The following ZNF521 variants were observed in gnomAD, a reference collection of about 807,000 sequenced individuals.
The protein encoded by ZNF521 is LYST-interacting protein 3.
A neutral mutation model predicts 105.5 loss-of-function variants in ZNF521; 14 were observed. The ratio of observed to expected loss-of-function variants is 0.13; its 90% confidence interval spans 0.09 to 0.21. ZNF521 has a LOEUF of 0.21. Among genes scored for constraint, ZNF521 ranks in the 10% least tolerant of loss-of-function variants. The pLI is 1.00. For missense variants in ZNF521, 1,233 were observed against 1,629.7 expected (o/e 0.76, Z 4.19); for synonymous variants, 635 against 606.0 (o/e 1.05, Z -0.70).
chr18:25,136,024 A>C (rs771149487), intron 5 of ZNF521, among the ~76,000 whole-genome samples: 4 of 152,222 alleles, frequency 2.6e-5, no homozygotes, highest in Non-Finnish European at 4.4e-5. Context: ...AGAGAAAATT[A>C]AAGTAGACAG....
chr18:25,230,969 C>T (rs145456787), intron 3 of ZNF521, among the ~76,000 whole-genome samples: 172 of 152,240 alleles, frequency 1.1e-3, no homozygotes, highest in African/African-American at 3.8e-3. Context: ...GTGAACACTC[C>T]GAGATGAAAG....
At chr18:25,242,082 T>G (rs1424260164) in intron 3 of ZNF521, among the ~76,000 whole-genome samples, 1 of 152,196 alleles carries the variant, frequency 6.6e-6, no homozygotes, top group Non-Finnish European at 1.5e-5. Flanking sequence ...CTCAGTATGG[T>G]AAAATTAGAC....
intron 5 of ZNF521, among the ~76,000 whole-genome samples, chr18:25,129,244 C>A (rs982777277): frequency 2.1e-5 from 2 of 97,006 alleles, no homozygotes; most frequent in Non-Finnish European, 4.3e-5. Context: ...GACTTTCACA[C>A]GGAATAATAA....
chr18:25,075,672 T>C (rs192967071), intron 7 of ZNF521, among the ~76,000 whole-genome samples: 33 of 152,310 alleles, frequency 2.2e-4, no homozygotes, highest in African/African-American at 7.9e-4. Context: ...ACCTAAGTTG[T>C]TGAAAAACTA....
intron 3 of ZNF521, among the ~76,000 whole-genome samples, chr18:25,293,750 G>A (rs986028799): frequency 1.3e-5 from 2 of 152,044 alleles, no homozygotes; most frequent in African/African-American, 4.8e-5. Flanking sequence ...CTAGCAAATG[G>A]TGCTTCCACA....
At chr18:25,186,984 TG>T (rs1196333953) in intron 5 of ZNF521, among the ~76,000 whole-genome samples, 1 of 151,820 alleles carries the variant, frequency 6.6e-6, no homozygotes, top group Non-Finnish European at 1.5e-5. Context: ...GTCATACTTC[TG>T]TACGTTCCAT....
At chr18:25,258,757 C>G (rs1908693138) in intron 3 of ZNF521, among the ~76,000 whole-genome samples, 1 of 152,106 alleles carries the variant, frequency 6.6e-6, no homozygotes, top group South Asian at 2.1e-4. Flanking sequence ...AAAAATGACA[C>G]TGGAGACACG....
intron 2 of ZNF521, among the ~76,000 whole-genome samples, chr18:25,333,314 C>CTATATATATA (rs67351091): frequency 6.9e-6 from 1 of 145,714 alleles, no homozygotes; most frequent in African/African-American, 2.5e-5. Flanking sequence ...CTCTCTCTCT[C>CTATATATATA]TATATATATA....
chr18:25,122,420 T>C (rs1332623074), intron 5 of ZNF521, among the ~76,000 whole-genome samples: 2 of 152,220 alleles, frequency 1.3e-5, no homozygotes, highest in Non-Finnish European at 2.9e-5. Context: ...ATTTAAGTTA[T>C]AATTTTTGGT....
At chr18:25,299,664 C>T (rs1191875606) in intron 3 of ZNF521, among the ~76,000 whole-genome samples, 1 of 152,160 alleles carries the variant, frequency 6.6e-6, no homozygotes, top group Non-Finnish European at 1.5e-5. Flanking sequence ...TTCCTGATGA[C>T]ATCTGAGAGT....
At chr18:25,321,725 T>A (rs536875016) in intron 3 of ZNF521, among the ~76,000 whole-genome samples, 2 of 152,204 alleles carry the variant, frequency 1.3e-5, no homozygotes, top group Non-Finnish European at 2.9e-5. Context: ...TCATCCAATA[T>A]TCATGTTCTG....
chr18:25,144,583 C>A (rs2034908449), intron 5 of ZNF521, among the ~76,000 whole-genome samples: 1 of 152,150 alleles, frequency 6.6e-6, no homozygotes, highest in East Asian at 1.9e-4. Flanking sequence ...TAACTGAAAT[C>A]ACTTTTGGAC....
At chr18:25,212,565 A>ATATATATATATATATATATGTG (rs1227568202) in intron 4 of ZNF521, among the ~76,000 whole-genome samples, 3 of 112,870 alleles carry the variant, frequency 2.7e-5, no homozygotes, top group Admixed American at 9.1e-5. Flanking sequence ...ATATATATAT[A>ATATATATATATATATATATGTG]TGTATAGAAA....
At position 25,134,343 on chromosome 18, in the gene ZNF521, T is replaced by C. The variant is rs57879518; in HGVS notation, c.3659-42262A>G. 6.6e-4 allele frequency among the ~76,000 whole-genome samples: 101 copies of C among 152,258 alleles called. No individual in the cohort carries two copies. In the East Asian group the frequency reaches 0.015, roughly 22 times the overall value. Reference sequence around the variant, plus strand: ...CACCAGGTGTGAGGCAACATGAGATTTGCAGAATATAACCACCATAGCTAC... The same window carrying C: ...CACCAGGTGTGAGGCAACATGAGATCTGCAGAATATAACCACCATAGCTAC... On this transcript the variant is annotated intron_variant, in intron 5 of 7. Coordinates refer to ENST00000361524, the MANE Select transcript of ZNF521 (RefSeq NM_015461.3).
chr18:25,141,951 AACACAG>A (rs952391675), intron 5 of ZNF521, among the ~76,000 whole-genome samples: 2 of 152,144 alleles, frequency 1.3e-5, no homozygotes, highest in African/African-American at 4.8e-5. Flanking sequence ...TAGCTGATAA[AACACAG>A]ACACAGAATT....
At chr18:25,118,390 T>C (rs1252696242) in intron 5 of ZNF521, among the ~76,000 whole-genome samples, 6 of 152,014 alleles carry the variant, frequency 3.9e-5, no homozygotes, top group African/African-American at 1.4e-4. Flanking sequence ...CATTAAATAA[T>C]TATTTTTCTT....
intron 3 of ZNF521, among the ~76,000 whole-genome samples, chr18:25,257,251 A>G (rs1420010826): frequency 1.3e-5 from 2 of 152,208 alleles, no homozygotes; most frequent in African/African-American, 4.8e-5. Flanking sequence ...GAAAAGATCT[A>G]TTTTAGAAAG....
chr18:25,263,899 C>CT (rs1388418501), intron 3 of ZNF521, among the ~76,000 whole-genome samples: 10 of 152,124 alleles, frequency 6.6e-5, no homozygotes, highest in Non-Finnish European at 1.2e-4. Context: ...CTTTCTTAAC[C>CT]TATATGTAAG....
At chr18:25,129,987 T>A (rs1416396164) in intron 5 of ZNF521, among the ~76,000 whole-genome samples, 1 of 152,204 alleles carries the variant, frequency 6.6e-6, no homozygotes, top group Non-Finnish European at 1.5e-5. Context: ...AGCTCCTAGG[T>A]ATTTCCCCAA....
Sources: allele counts gnomAD v4.1 joint callset (sites outside exome capture counted in the v4.1 genomes callset), GRCh38; gene constraint gnomAD v4.1.1; transcripts MANE v1.5; gene names NCBI Gene and HGNC (gene_info 2026-07-23, HGNC 2026-07-21).